NCS1: variants seen among roughly 807,000 people sequenced by gnomAD.
NCS1 encodes neuronal calcium sensor 1.
A neutral mutation model predicts 28.4 loss-of-function variants in NCS1; 6 were observed. That is an observed-to-expected ratio of 0.21 (90% CI 0.12 to 0.42). The LOEUF (loss-of-function observed/expected upper bound fraction) is 0.42, where lower values mean the gene tolerates loss of function less well. Among genes scored for constraint, NCS1 ranks in the 10% least tolerant of loss-of-function variants. The pLI, the probability that NCS1 is intolerant of heterozygous loss-of-function variation, is 1.00. For missense variants in NCS1, 131 were observed against 241.4 expected, an observed-to-expected ratio of 0.54 and a Z score of 3.03; for synonymous variants, 86 against 99.3, an observed-to-expected ratio of 0.87 and a Z score of 0.79.
chr9:130,173,204 G>T (rs372273414), intron 1 of NCS1, among the ~76,000 whole-genome samples: 5 of 146,082 alleles, frequency 3.4e-5, no homozygotes, highest in Non-Finnish European at 2.9e-5. Flanking sequence ...TCGTGTGGGG[G>T]GGGGGGTGGC....
chr9:130,176,249 A>G (rs1369123623), intron 1 of NCS1, among the ~76,000 whole-genome samples: 3 of 139,638 alleles, frequency 2.1e-5, no homozygotes, highest in African/African-American at 8.0e-5. Context: ...CTGGAGTGCA[A>G]TGGTGCAATC....
intron 1 of NCS1, among the ~76,000 whole-genome samples, chr9:130,196,495 T>C (rs1832879886): frequency 1.3e-5 from 2 of 152,124 alleles, no homozygotes; most frequent in South Asian, 4.1e-4. Context: ...CCCCAGCACT[T>C]TGGGAGGCCG....
chr9:130,213,106 C>A (rs1554908943), intron 2 of NCS1, among the ~76,000 whole-genome samples: 1 of 152,180 alleles, frequency 6.6e-6, no homozygotes, highest in Non-Finnish European at 1.5e-5. Context: ...GGCGGTGCAG[C>A]CTGGCTTGCC....
At chr9:130,176,202 T>TTCTTTCTTTC (rs1816034257) in intron 1 of NCS1, among the ~76,000 whole-genome samples, 3 of 77,970 alleles carry the variant, frequency 3.8e-5, no homozygotes, top group Non-Finnish European at 5.6e-5. Context: ...TTCTTTTTTT[T>TTCTTTCTTTC]TTTTTTTGGA....
At chr9:130,203,167 C>T (rs549848874) in intron 2 of NCS1, among the ~76,000 whole-genome samples, 9 of 146,470 alleles carry the variant, frequency 6.1e-5, no homozygotes, top group Admixed American at 2.1e-4. Flanking sequence ...GACAGAGTCT[C>T]TCTGCTCTGT....
intron 2 of NCS1, among the ~76,000 whole-genome samples, chr9:130,217,028 C>A (rs1588122527): frequency 6.6e-6 from 1 of 152,150 alleles, no homozygotes; most frequent in East Asian, 1.9e-4. Context: ...CATTTTTGTG[C>A]TAAGCCCTGT....
intron 6 of NCS1, among the ~76,000 whole-genome samples, chr9:130,225,507 G>T (rs1383021354): frequency 6.6e-6 from 1 of 152,244 alleles, no homozygotes; most frequent in African/African-American, 2.4e-5. Context: ...CTGCACTTCC[G>T]TCATTTTGGG....
intron 1 of NCS1, among the ~76,000 whole-genome samples, chr9:130,185,233 G>A (rs1432810127): frequency 6.6e-6 from 1 of 152,262 alleles, no homozygotes; most frequent in African/African-American, 2.4e-5. Flanking sequence ...AGGACCGACT[G>A]CATCTTATTG....
In NCS1 at chr9:130,219,751, C is replaced by A; in HGVS notation, c.255C>A (p.Phe85Leu). 1 of 1,614,236 alleles carries A rather than the reference C, an allele frequency of 6.2e-7. No individual in the cohort carries two copies. The highest frequency in any genetic ancestry group is 8.5e-7 in the Non-Finnish European group (1 of 1,180,036). ...ACGGGCGAATTGAGTTCTCCGAGTT[C>A]ATCCAGGCGCTGTCGGTGACCTCAC... ...NKDGRIEFSE[F>L]IQALSVTSRG... Residue 85 changes from phenylalanine (F) to leucine (L), a missense_variant, in exon 4 of 8, where the codon TTC becomes TTA. Physicochemically the swap from Phe to Leu is conservative, Grantham distance 22. Coordinates refer to ENST00000372398, the MANE Select transcript of NCS1 (RefSeq NM_014286.4). This position sits in a 1 kb window ranked among gnomAD's most constrained non-coding sequence, Gnocchi z 5.7.
chr9:130,193,381 G>A (rs1832840891), intron 1 of NCS1, among the ~76,000 whole-genome samples: 2 of 152,168 alleles, frequency 1.3e-5, no homozygotes, highest in South Asian at 4.2e-4. Flanking sequence ...GTGGGATGGG[G>A]TGGGGGCTGA....
rs1832557402 is a variant in NCS1, at chr9:130,175,916, G to A, written c.64+3189G>A. 6.6e-6 allele frequency among the ~76,000 whole-genome samples: 1 copy of A among 152,212 alleles called. No individual in the cohort carries two copies. The highest frequency in any genetic ancestry group is 2.4e-5 in the African/African-American group (1 of 41,452). ...CCACTCTCTTCCAACCTGCTGGTGA[G>A]GCTGTTGGCTTCCCCGTGTGTCCCG... is the stretch of plus-strand genomic sequence containing the variant. On this transcript the variant is annotated intron_variant, in intron 1 of 7. Coordinates refer to ENST00000372398, the MANE Select transcript of NCS1 (RefSeq NM_014286.4). The surrounding 1 kb of genome is among the most constrained non-coding windows in gnomAD (Gnocchi z 4.9).
Position 130,209,984 on chromosome 9 carries a change from C to T in NCS1, c.90-7848C>T, listed in dbSNP as rs142549304. ...GACCCCAAAGAGTTAAGACCCTGTT[C>T]GCGAACAAGGTTGTGTGAGGTGTGG... On this transcript the variant is annotated intron_variant, in intron 2 of 7. Coordinates refer to ENST00000372398, the MANE Select transcript of NCS1 (RefSeq NM_014286.4). The surrounding 1 kb of genome is among the most constrained non-coding windows in gnomAD (Gnocchi z 4.4). Among the ~76,000 whole-genome samples the T allele has an allele frequency of 2.6e-5, 4 of 152,148 alleles. No individual in the cohort carries two copies. In the East Asian group the frequency reaches 5.8e-4, roughly 22 times the overall value.
Position 130,183,449 on chromosome 9 carries a change from G to A in NCS1, c.64+10722G>A, listed in dbSNP as rs187143576. 3.7e-3 allele frequency among the ~76,000 whole-genome samples: 570 copies of A among 152,336 alleles called. 9 individuals carry two copies. The highest frequency in any genetic ancestry group is 0.026 in the Admixed American group (391 of 15,302). ...TCCCTGGCAGGGGAGCAGGGGGAGG[G>A]CAGGAGGAATGTGGCTTTGAGGAAT... On this transcript the variant is annotated intron_variant, in intron 1 of 7. Coordinates refer to ENST00000372398, the MANE Select transcript of NCS1 (RefSeq NM_014286.4).
chr9:130,198,498 T>C (rs1045174044), intron 1 of NCS1, among the ~76,000 whole-genome samples: 2 of 152,176 alleles, frequency 1.3e-5, no homozygotes, highest in Non-Finnish European at 2.9e-5. Flanking sequence ...TTGTATCCAA[T>C]TGGGCCTCCA....
In NCS1 at chr9:130,220,994, C is replaced by T. The variant is rs140377774; in HGVS notation, c.307+1191C>T. On this transcript the variant is annotated intron_variant, in intron 4 of 7. Coordinates refer to ENST00000372398, the MANE Select transcript of NCS1 (RefSeq NM_014286.4). ...AGCTCCAGCCACTGATACCTCGGCC[C>T]TGGCAGCCCAATGCCCCATCCCTTT... Among the ~76,000 whole-genome samples, 542 of 152,098 alleles carry T rather than the reference C, an allele frequency of 3.6e-3. 4 individuals carry two copies. The highest frequency in any genetic ancestry group is 0.012 in the African/African-American group (518 of 41,514).
intron 1 of NCS1, among the ~76,000 whole-genome samples, chr9:130,173,207 G>GT (rs1215203251): frequency 2.0e-5 from 3 of 151,964 alleles, no homozygotes; most frequent in South Asian, 2.1e-4. Flanking sequence ...TGTGGGGGGG[G>GT]GGGTGGCGAG....
intron 1 of NCS1, among the ~76,000 whole-genome samples, chr9:130,184,059 C>T (rs1183973536): frequency 1.3e-5 from 2 of 152,122 alleles, no homozygotes; most frequent in Non-Finnish European, 2.9e-5. Context: ...ATCCACCCGC[C>T]TCGGCCTCCC....
Position 130,176,146 on chromosome 9 carries a change from C to T in NCS1, c.64+3419C>T, listed in dbSNP as rs1006858598. Among the ~76,000 whole-genome samples, 12 of 51,126 alleles carry T rather than the reference C, an allele frequency of 2.3e-4. No individual in the cohort carries two copies. In the East Asian group the frequency reaches 8.5e-3, roughly 36 times the overall value. 33.5% of individuals were successfully genotyped at this position (51,126 alleles called of 152,430 possible). On this transcript the variant is annotated intron_variant, in intron 1 of 7. Transcript: ENST00000372398. ...TAATGCTTATTTGTTCATTTTCTTT[C>T]TTTCTTTCTTTCTTTCTTTCTTTCT...
chr9:130,199,811 G>C (rs1226463877), intron 1 of NCS1, among the ~76,000 whole-genome samples: 1 of 152,178 alleles, frequency 6.6e-6, no homozygotes, highest in Non-Finnish European at 1.5e-5. Flanking sequence ...ACCTCTTTGG[G>C]CTTCCTTCCC....
Sources: allele counts gnomAD v4.1 joint callset (sites outside exome capture counted in the v4.1 genomes callset), GRCh38; gene constraint gnomAD v4.1.1; non-coding constraint Gnocchi (gnomAD v3.1); transcripts MANE v1.5; gene names NCBI Gene and HGNC (gene_info 2026-07-23, HGNC 2026-07-21).